The following PTAFR variants were observed in gnomAD, a reference collection of about 807,000 sequenced individuals.
The protein encoded by PTAFR is platelet activating factor receptor.
In PTAFR, 8 loss-of-function variants were observed where a neutral mutation model predicts 14.7. The ratio of observed to expected loss-of-function variants is 0.54; its 90% CI spans 0.32 to 0.98. The LOEUF is 0.98. Among genes scored for constraint, PTAFR ranks in the 50% least tolerant of loss-of-function variants. The probability of loss-of-function intolerance (pLI) is 0.04; values close to 1 mark genes in which losing one functional copy is unlikely to be tolerated. For synonymous variants in PTAFR, 156 were observed against 176.5 expected, an observed-to-expected ratio of 0.88 and a Z score of 0.92; for missense variants, 337 against 451.2, an observed-to-expected ratio of 0.75 and a Z score of 2.29.
At chr1:28,174,511 A>G (rs1444998575) in intron 1 of PTAFR, among the ~76,000 whole-genome samples, 1 of 152,216 alleles carries the variant, frequency 6.6e-6, no homozygotes, top group Non-Finnish European at 1.5e-5. Flanking sequence ...CTGATAGCAT[A>G]AACTGTGAAT....
chr1:28,177,292 G>A (rs1646525315), upstream of PTAFR: 1 of 152,422 alleles, frequency 6.6e-6, no homozygotes, highest in South Asian at 2.1e-4. Context: ...AGTGGAGGGA[G>A]AAGAGAGGAG....
intron 1 of PTAFR, among the ~76,000 whole-genome samples, chr1:28,183,715 G>A (rs1376700738): frequency 3.3e-5 from 5 of 151,974 alleles, no homozygotes; most frequent in East Asian, 1.9e-4. Flanking sequence ...GTGAAACCCC[G>A]TCTCTACTAA....
At chr1:28,167,383 A>G (rs928986132) in intron 1 of PTAFR, among the ~76,000 whole-genome samples, 1 of 152,220 alleles carries the variant, frequency 6.6e-6, no homozygotes, top group Non-Finnish European at 1.5e-5. Flanking sequence ...ATCATCAGAG[A>G]AATGCAAATT....
chr1:28,163,116 C>T (rs1382715657), intron 1 of PTAFR, among the ~76,000 whole-genome samples: 1 of 152,154 alleles, frequency 6.6e-6, no homozygotes, highest in Admixed American at 6.6e-5. Flanking sequence ...TTTCCAGCAG[C>T]CTGCTTTTGC....
At chr1:28,170,023 C>G (rs1646434993) in intron 1 of PTAFR, among the ~76,000 whole-genome samples, 1 of 151,050 alleles carries the variant, frequency 6.6e-6, no homozygotes, top group Non-Finnish European at 1.5e-5. Context: ...AAAGAAGATG[C>G]CTGGTCTGGT....
rs547061930 is a variant in PTAFR at position 28,172,492 on chromosome 1, C to T, written c.-39+4100G>A. Among the ~76,000 whole-genome samples the T allele has an allele frequency of 8.5e-4, 130 of 152,186 alleles. 1 individual carries two copies. The highest frequency in any genetic ancestry group is 1.6e-3 in the Non-Finnish European group (111 of 68,004). On this transcript the variant is annotated intron_variant, in intron 1 of 1. Transcript: ENST00000373857. ...ACCTGGGTCTGTTTCTTCCTTGCTG[C>T]GTGATCCTTGGCTCTCCCAGCCTCC...
In PTAFR at chr1:28,191,271, A is replaced by C. The variant is rs1646649891; in HGVS notation, c.-39+2451T>G. ...AAGGCAGGGAGGTCCCTAGAGGTTTAGGGCAGCAGAGGACTTAAGTTGGAA... is the reference window on the plus strand; with the variant it reads ...AAGGCAGGGAGGTCCCTAGAGGTTTCGGGCAGCAGAGGACTTAAGTTGGAA... On this transcript the variant is annotated intron_variant, in intron 1 of 1. Coordinates refer to the PTAFR transcript ENST00000305392. Among the ~76,000 whole-genome samples the C allele has an allele frequency of 2.0e-5, 3 of 152,228 alleles. No homozygotes were observed. The South Asian group carries it at 6.2e-4, about 32-fold the overall frequency.
intron 1 of PTAFR, among the ~76,000 whole-genome samples, chr1:28,160,834 C>T (rs540764280): frequency 6.6e-6 from 1 of 152,266 alleles, no homozygotes; most frequent in Non-Finnish European, 1.5e-5. Context: ...TACCCGTCAT[C>T]CTGGCTCTTC....
intron 1 of PTAFR, among the ~76,000 whole-genome samples, chr1:28,185,781 G>A (rs1646601594): frequency 2.0e-5 from 3 of 152,112 alleles, no homozygotes; most frequent in Admixed American, 1.3e-4. Context: ...TAGGAAAATT[G>A]CAGCAATTCC....
upstream of PTAFR, among the ~76,000 whole-genome samples, chr1:28,178,809 C>T (rs1002432658): frequency 1.3e-5 from 2 of 152,040 alleles, no homozygotes; most frequent in African/African-American, 4.8e-5. Context: ...TCTCCTTCCT[C>T]GAGTTCATGC....
At chr1:28,184,311 T>C (rs981070869) in intron 1 of PTAFR, among the ~76,000 whole-genome samples, 6 of 152,032 alleles carry the variant, frequency 3.9e-5, no homozygotes, top group African/African-American at 1.2e-4. Context: ...CAGGCTGGTC[T>C]TGAACACCTG....
Position 28,150,405 on chromosome 1 carries a change from T to C in PTAFR, c.617A>G (p.Asn206Ser). The change falls in exon 2 of 2, where the codon AAC becomes AGC. Residue 206 changes from asparagine (N) to serine (S), a missense_variant. Asn to Ser is a conservative substitution (Grantham distance 46, BLOSUM62 1). Transcript: ENST00000373857. The surrounding 1 kb of genome is among the most constrained non-coding windows in gnomAD (Gnocchi z 6.3). ...GAGCAAGGTACGGATGATGACCAGG[T>C]TGCAGAAGAGGATGATGAGGAAGAC... Reference protein sequence around the residue: ...FLVFLIILFCNLVIIRTLLMQ... With the variant: ...FLVFLIILFCSLVIIRTLLMQ... The C allele has an allele frequency of 6.2e-7, 1 of 1,613,884 alleles. No homozygotes were observed. Among genetic ancestry groups the C allele is most frequent in the South Asian group, 1.1e-5 (1 of 91,042 alleles).
At chr1:28,175,428 A>G (rs1227925173) in intron 1 of PTAFR, among the ~76,000 whole-genome samples, 1 of 151,620 alleles carries the variant, frequency 6.6e-6, no homozygotes, top group African/African-American at 2.4e-5. Flanking sequence ...GCACTCCCCA[A>G]CACACCTCCC....
In PTAFR at chr1:28,149,307, G is replaced by A. The variant is rs1359651929; in HGVS notation, c.*686C>T. 7.1e-6 allele frequency: 1 copy of A among 141,430 alleles called. No individual in the cohort carries two copies. The highest frequency in any genetic ancestry group is 1.5e-5 in the Non-Finnish European group (1 of 65,840). The allele number at this position is 141,430 out of a possible 1,614,324, so 8.8% of individuals were successfully genotyped here. A position where few individuals can be genotyped will look rare whatever the true frequency, so the allele number is the denominator to read the frequency against. On this transcript the variant is annotated 3_prime_UTR_variant, in exon 2 of 2. Coordinates refer to ENST00000373857, the MANE Select transcript of PTAFR (RefSeq NM_000952.5). ...CTAACCCAGTCTACCTCTATCACTT[G>A]AGAGTAGTTGCCCAAAGCTTTTTTT...
chr1:28,156,347 C>T (rs760954270), intron 1 of PTAFR, among the ~76,000 whole-genome samples: 9 of 151,918 alleles, frequency 5.9e-5, no homozygotes, highest in Admixed American at 1.3e-4. Context: ...TGTGTGAAGG[C>T]AGATTTTCTT....
intron 1 of PTAFR, among the ~76,000 whole-genome samples, chr1:28,192,636 G>A (rs1262325581): frequency 1.3e-5 from 2 of 151,220 alleles, no homozygotes; most frequent in African/African-American, 4.9e-5. Context: ...GTAAATGCTG[G>A]GTTTTTTTTT....
chr1:28,160,861 C>T (rs1462583857), intron 1 of PTAFR, among the ~76,000 whole-genome samples: 3 of 152,186 alleles, frequency 2.0e-5, no homozygotes, highest in Non-Finnish European at 2.9e-5. Flanking sequence ...CTGCTGCCTT[C>T]TGTTCAATCC....
upstream of PTAFR, among the ~76,000 whole-genome samples, chr1:28,181,149 G>A (rs908157261): frequency 6.6e-6 from 1 of 152,094 alleles, no homozygotes; most frequent in Admixed American, 6.6e-5. Flanking sequence ...GCCCGGTCGT[G>A]TGTTATTTGA....
Position 28,150,911 on chromosome 1 carries a change from C to T in PTAFR, c.111G>A (p.Leu37=), listed in dbSNP as rs1378805528. 8.1e-6 allele frequency: 13 copies of T among 1,613,920 alleles called. No homozygotes were observed. Among genetic ancestry groups the T allele is most frequent in the Admixed American group, 1.7e-5 (1 of 59,978 alleles). The change falls in exon 2 of 2, where the codon CTG becomes CTA. Residue 37 remains leucine (L), a synonymous_variant. Coordinates refer to ENST00000373857, the MANE Select transcript of PTAFR (RefSeq NM_000952.5). The surrounding 1 kb of genome is among the most constrained non-coding windows in gnomAD (Gnocchi z 6.3). ...AAGGGTACAGGCGGGCAAAGACCCA[C>T]AGCACGTAGCCATTAGCAATGACCC... is the stretch of plus-strand genomic sequence containing the variant. ...VLGVIANGYV[L]WVFARLYPCK...
Sources: gnomAD v4.1 joint callset for allele counts (sites outside exome capture counted in the v4.1 genomes callset) on GRCh38, gnomAD v4.1.1 for gene constraint, Gnocchi (gnomAD v3.1) non-coding constraint, MANE v1.5 for transcripts, NCBI Gene and HGNC (gene_info 2026-07-23, HGNC 2026-07-21) for gene names.